ANK1: variants seen among roughly 807,000 people sequenced by gnomAD.
ANK1 encodes the protein ankyrin 1.
In ANK1, 51 loss-of-function variants were observed where a neutral mutation model predicts 210.4. The observed-to-expected ratio is 0.24, with a 90% CI of 0.19 to 0.31. The LOEUF (loss-of-function observed/expected upper bound fraction) is 0.31. Ranked by LOEUF, ANK1 falls within the 10% of genes least tolerant of loss-of-function variation. The pLI is 1.00. For synonymous variants in ANK1, 967 were observed against 1,025.9 expected (o/e 0.94, Z 1.10); for missense variants, 2,051 against 2,504.4 (o/e 0.82, Z 3.86).
Position 41,694,864 on chromosome 8 carries a change from G to T in ANK1, c.3116-61C>A. On this transcript the variant is annotated intron_variant, in intron 27 of 42. Transcript: ENST00000289734. This position sits in a 1 kb window ranked among gnomAD's most constrained non-coding sequence, Gnocchi z 5.7. ...ATCAGGCACAGGTTCAGGACTTCCA[G>T]GGGCCCCAGAGTCTCCTTGTCCCCA... The T allele has an allele frequency of 6.4e-7, 1 of 1,566,068 alleles. No individual in the cohort carries two copies. Among genetic ancestry groups the T allele is most frequent in the South Asian group, 1.1e-5 (1 of 88,974 alleles).
intron 42 of ANK1, among the ~76,000 whole-genome samples, chr8:41,660,770 G>A (rs1465120709): frequency 6.6e-6 from 1 of 152,198 alleles, no homozygotes; most frequent in African/African-American, 2.4e-5. Flanking sequence ...TTCCTAGAAA[G>A]CAAGGGAGCA....
At position 41,835,056 on chromosome 8, in the gene ANK1, C is replaced by T. The variant is rs191770330; in HGVS notation, c.126+61299G>A. 3.9e-5 allele frequency among the ~76,000 whole-genome samples: 6 copies of T among 152,368 alleles called. No homozygotes were observed. The East Asian group carries it at 1.2e-3, about 29-fold the overall frequency. Reference sequence around the variant, plus strand: ...AACTCACTGTCTGATTTGAAGGCAGCGAGATGGCGCTTAGGAATTAGGTCA... The same window carrying T: ...AACTCACTGTCTGATTTGAAGGCAGTGAGATGGCGCTTAGGAATTAGGTCA... On this transcript the variant is annotated intron_variant, in intron 1 of 42. Transcript: ENST00000265709.
chr8:41,693,829 C>T (rs1246914757), intron 29 of ANK1, 69 bp downstream of exon 29: 1 of 1,518,766 alleles, frequency 6.6e-7, no homozygotes, highest in Non-Finnish European at 8.9e-7. Flanking sequence ...CTTCTCGAGT[C>T]ACCCCCCTAC....
chr8:41,822,650 G>A (rs1457073717), intron 1 of ANK1, among the ~76,000 whole-genome samples: 1 of 152,142 alleles, frequency 6.6e-6, no homozygotes, highest in Non-Finnish European at 1.5e-5. Context: ...TACACTGCTG[G>A]GTTCAAGGAC....
chr8:41,844,839 G>A (rs764303330), intron 1 of ANK1, among the ~76,000 whole-genome samples: 3 of 152,236 alleles, frequency 2.0e-5, no homozygotes, highest in Non-Finnish European at 4.4e-5. Flanking sequence ...AGTTAGAAGG[G>A]GGTGAGTGAG....
At chr8:41,770,599 T>C (rs1842798788) in intron 1 of ANK1, among the ~76,000 whole-genome samples, 1 of 152,222 alleles carries the variant, frequency 6.6e-6, no homozygotes, top group African/African-American at 2.4e-5. Flanking sequence ...CACAGCACTC[T>C]GAGTGTAATG....
At chr8:41,717,231 G>A (rs1586400317) in intron 12 of ANK1, among the ~76,000 whole-genome samples, 180 bp from the exon 13 acceptor site, 2 of 152,172 alleles carry the variant, frequency 1.3e-5, no homozygotes, top group African/African-American at 2.4e-5. Context: ...ATGTATGTGT[G>A]TATGTGTGTG....
chr8:41,849,096 T>C (rs1397772850), intron 1 of ANK1, among the ~76,000 whole-genome samples: 1 of 152,248 alleles, frequency 6.6e-6, no homozygotes, highest in Non-Finnish European at 1.5e-5. Flanking sequence ...TGTGTGAACT[T>C]GGAACCAAGC....
intron 1 of ANK1, among the ~76,000 whole-genome samples, chr8:41,821,802 T>A (rs1804300595): frequency 6.6e-6 from 1 of 151,964 alleles, no homozygotes; most frequent in Non-Finnish European, 1.5e-5. Context: ...AATCCCAGCA[T>A]TTTAGGAGGC....
rs1231598823 is a variant in ANK1 at position 41,797,382 on chromosome 8, G to A, written c.27+130C>T. 1.3e-6 allele frequency: 1 copy of A among 784,376 alleles called. No homozygotes were observed. The highest frequency in any genetic ancestry group is 2.2e-6 in the Non-Finnish European group (1 of 461,308). The allele number at this position is 784,376 out of a possible 1,614,324, so 48.6% of individuals were successfully genotyped here. On this transcript the variant is annotated intron_variant, in intron 1 of 42. Coordinates refer to ENST00000289734, the MANE Select transcript of ANK1 (RefSeq NM_000037.4). The surrounding 1 kb of genome is among the most constrained non-coding windows in gnomAD (Gnocchi z 4.0). ...TCGATGTGCCGCTATGCTAAGGCAGGGAGCCCACGGGGAGGCGAGGCGGGT... is the reference window on the plus strand; with the variant it reads ...TCGATGTGCCGCTATGCTAAGGCAGAGAGCCCACGGGGAGGCGAGGCGGGT...
At chr8:41,702,021 T>A in intron 21 of ANK1, 31 bp downstream of exon 21, 3 of 1,594,088 alleles carry the variant, frequency 1.9e-6, no homozygotes, top group Non-Finnish European at 2.6e-6. Flanking sequence ...TGAGTGTGTC[T>A]GGGGTGGGTG....
chr8:41,690,575 C>T lies in ANK1; in HGVS notation c.3883G>A (p.Ala1295Thr). 1 of 1,613,676 alleles carries T rather than the reference C, an allele frequency of 6.2e-7. No individual in the cohort carries two copies. The highest frequency in any genetic ancestry group is 8.5e-7 in the Non-Finnish European group (1 of 1,179,964). ...IEVLEGMSLF[A>T]ELSGNLVPVK... ...GGCACCAGGTTCCCAGAGAGTTCTG[C>T]AAACAGGGACATTCCTTCCAACACC... Residue 1295 changes from alanine to threonine, a missense_variant, in exon 32 of 43, where the codon GCA becomes ACA. By Grantham distance (58) the Ala-to-Thr change is moderately conservative. Transcript: ENST00000289734.
At chr8:41,669,347 A>C (rs561843585) in intron 38 of ANK1, among the ~76,000 whole-genome samples, 2 of 152,120 alleles carry the variant, frequency 1.3e-5, no homozygotes, top group African/African-American at 4.8e-5. Flanking sequence ...CCCGGGCTGC[A>C]GTGCAGTGGT....
At chr8:41,814,261 G>A (rs574185886) in intron 1 of ANK1, among the ~76,000 whole-genome samples, 10 of 152,036 alleles carry the variant, frequency 6.6e-5, no homozygotes, top group African/African-American at 2.4e-4. Flanking sequence ...TCAGGAGGCT[G>A]AGGCAGGAGA....
At chr8:41,799,457 A>G (rs1849514534), upstream of ANK1, among the ~76,000 whole-genome samples, 2 of 152,196 alleles carry the variant, frequency 1.3e-5, no homozygotes, top group Non-Finnish European at 2.9e-5. Flanking sequence ...GAAAGCTAGA[A>G]GCCGTTTCAC....
chr8:41,712,980 G>A (rs1373048580), intron 16 of ANK1, among the ~76,000 whole-genome samples: 1 of 152,184 alleles, frequency 6.6e-6, no homozygotes, highest in Non-Finnish European at 1.5e-5. Flanking sequence ...GGGACAGGAG[G>A]AGACAGCTGT....
intron 1 of ANK1, among the ~76,000 whole-genome samples, chr8:41,786,512 T>C (rs954830687): frequency 4.6e-5 from 7 of 152,232 alleles, no homozygotes; most frequent in Non-Finnish European, 5.9e-5. Flanking sequence ...ATTCAAAGGC[T>C]AGGGACAAGC....
chr8:41,657,164 C>T (rs1806020385), intron 42 of ANK1, among the ~76,000 whole-genome samples: 1 of 152,102 alleles, frequency 6.6e-6, no homozygotes, highest in South Asian at 2.1e-4. Flanking sequence ...GGAAGCTCTC[C>T]CTTTTGTATT....
intron 37 of ANK1, among the ~76,000 whole-genome samples, chr8:41,676,526 C>T (rs571742879): frequency 2.0e-5 from 3 of 152,252 alleles, no homozygotes; most frequent in African/African-American, 4.8e-5. Flanking sequence ...GTCTGTAGCT[C>T]GTCTTTTCAT....
Sources: gnomAD v4.1 joint callset for allele counts (sites outside exome capture counted in the v4.1 genomes callset) on GRCh38, gnomAD v4.1.1 for gene constraint, Gnocchi (gnomAD v3.1) non-coding constraint, MANE v1.5 for transcripts, NCBI Gene and HGNC (gene_info 2026-07-23, HGNC 2026-07-21) for gene names.